Variants in NELL1 observed in about 807,000 individuals in gnomAD.
The protein encoded by NELL1 is neural EGFL like 1.
Under a neutral mutation model 107.4 loss-of-function variants are expected in NELL1, and 76 were observed. The ratio of observed to expected loss-of-function variants is 0.71; its 90% CI spans 0.59 to 0.86. The LOEUF (loss-of-function observed/expected upper bound fraction) is 0.86. NELL1 is among the 40% of genes least tolerant of loss of function. The pLI, the probability that NELL1 is intolerant of heterozygous loss-of-function variation, is 0.00. For missense variants in NELL1, 1,024 were observed against 1,005.5 expected, an observed-to-expected ratio of 1.02 and a Z score of -0.25; for synonymous variants, 353 against 341.2, an observed-to-expected ratio of 1.03 and a Z score of -0.38.
chr11:21,463,388 C>T (rs984384522), intron 15 of NELL1, among the ~76,000 whole-genome samples: 1 of 152,110 alleles, frequency 6.6e-6, no homozygotes, highest in African/African-American at 2.4e-5. Flanking sequence ...GCTGCCTCAT[C>T]AATCAGGGTC....
chr11:20,684,724 A>G (rs1010867867), intron 2 of NELL1, among the ~76,000 whole-genome samples: 3 of 151,996 alleles, frequency 2.0e-5, no homozygotes, highest in Non-Finnish European at 4.4e-5. Context: ...AGTAACTGGG[A>G]CACAATTCAA....
intron 5 of NELL1, among the ~76,000 whole-genome samples, chr11:20,900,986 G>A (rs1849859988): frequency 6.6e-6 from 1 of 152,026 alleles, no homozygotes; most frequent in African/African-American, 2.4e-5. Flanking sequence ...ATTGATAAAA[G>A]TACATGAAGT....
chr11:20,965,435 TGAGAAA>T (rs992046552), intron 12 of NELL1, among the ~76,000 whole-genome samples: 2 of 152,208 alleles, frequency 1.3e-5, no homozygotes, highest in Non-Finnish European at 2.9e-5. Flanking sequence ...ACCAATACTT[TGAGAAA>T]GAGAAAGAGA....
chr11:21,046,562 T>C (rs967926372), intron 12 of NELL1, among the ~76,000 whole-genome samples: 9 of 152,216 alleles, frequency 5.9e-5, no homozygotes, highest in African/African-American at 1.9e-4. Flanking sequence ...TTATCAATAC[T>C]CAGTGATTAA....
chr11:21,458,092 G>A (rs1853796472), intron 15 of NELL1, among the ~76,000 whole-genome samples: 1 of 152,158 alleles, frequency 6.6e-6, no homozygotes, highest in African/African-American at 2.4e-5. Flanking sequence ...GGATAAGATG[G>A]TATCCGAAGA....
At chr11:20,704,118 A>C (rs998206617) in intron 2 of NELL1, among the ~76,000 whole-genome samples, 1 of 152,050 alleles carries the variant, frequency 6.6e-6, no homozygotes, top group African/African-American at 2.4e-5. Context: ...AATGTCTCCC[A>C]TTATTATTGT....
chr11:21,519,794 C>A (rs1242579409), intron 15 of NELL1, among the ~76,000 whole-genome samples: 1 of 152,046 alleles, frequency 6.6e-6, no homozygotes, highest in Non-Finnish European at 1.5e-5. Flanking sequence ...AAATAGACTC[C>A]AGAGTCCTAA....
intron 1 of NELL1, among the ~76,000 whole-genome samples, chr11:20,672,970 G>GCCCCCCCCCCC (rs10592573): frequency 9.9e-6 from 1 of 100,844 alleles, no homozygotes. Flanking sequence ...TCCTGCCTCA[G>GCCCCCCCCCCC]CCCCCCCCCC....
chr11:21,397,551 G>A (rs1852009527), intron 15 of NELL1, among the ~76,000 whole-genome samples: 1 of 151,492 alleles, frequency 6.6e-6, no homozygotes, highest in African/African-American at 2.4e-5. Context: ...ATTATTTTAA[G>A]TCATATAAAA....
chr11:20,944,585 G>A (rs959287131), intron 10 of NELL1, among the ~76,000 whole-genome samples: 3 of 152,098 alleles, frequency 2.0e-5, no homozygotes, highest in African/African-American at 4.8e-5. Flanking sequence ...TTCCACCAGC[G>A]CAGAACTCCA....
At position 21,283,318 on chromosome 11, in the gene NELL1, TAA is replaced by T. The variant is rs150402699; in HGVS notation, c.1549+53868_1549+53869del. Among the ~76,000 whole-genome samples, 913 of 152,174 alleles carry T rather than the reference TAA, an allele frequency of 6.0e-3. 8 individuals are homozygous for T. Among genetic ancestry groups the T allele is most frequent in the African/African-American group, 0.021 (867 of 41,524 alleles). On this transcript the variant is annotated intron_variant, in intron 14 of 19. Transcript: ENST00000357134. ...CACACACTATTGTACCCACAAAAAT[TAA>T]AAATAAATATTTTTTAAAAAATTAA...
intron 12 of NELL1, among the ~76,000 whole-genome samples, chr11:21,089,825 G>T (rs923466811): frequency 1.3e-5 from 2 of 152,174 alleles, no homozygotes; most frequent in Admixed American, 1.3e-4. Flanking sequence ...GCCATTTGGG[G>T]ATATTTCAAA....
intron 12 of NELL1, among the ~76,000 whole-genome samples, chr11:21,011,211 A>G (rs1042862324): frequency 3.9e-5 from 6 of 152,080 alleles, no homozygotes; most frequent in African/African-American, 1.2e-4. Context: ...ATCCTCTATG[A>G]TGAAGTCTTT....
intron 15 of NELL1, among the ~76,000 whole-genome samples, chr11:21,441,953 T>C (rs1231335988): frequency 6.6e-6 from 1 of 152,216 alleles, no homozygotes; most frequent in African/African-American, 2.4e-5. Context: ...ATAGATACTT[T>C]TAAATGCAGC....
At chr11:21,562,358 T>C (rs897978316) in intron 17 of NELL1, among the ~76,000 whole-genome samples, 3 of 152,070 alleles carry the variant, frequency 2.0e-5, no homozygotes, top group Non-Finnish European at 4.4e-5. Flanking sequence ...ATGATGCACC[T>C]TCACTGCAAA....
At chr11:20,719,076 G>A (rs1287829391) in intron 2 of NELL1, among the ~76,000 whole-genome samples, 1 of 152,220 alleles carries the variant, frequency 6.6e-6, no homozygotes, top group East Asian at 1.9e-4. Flanking sequence ...AAGTTCCATG[G>A]CTAAGCAAGG....
intron 2 of NELL1, among the ~76,000 whole-genome samples, chr11:20,776,012 A>G (rs1856743002): frequency 6.6e-6 from 1 of 152,146 alleles, no homozygotes; most frequent in Non-Finnish European, 1.5e-5. Context: ...TGTGTTCCAG[A>G]CTTTGGAGCC....
chr11:21,313,591 C>T (rs1409942804), intron 14 of NELL1, among the ~76,000 whole-genome samples: 3 of 152,120 alleles, frequency 2.0e-5, no homozygotes, highest in African/African-American at 7.2e-5. Context: ...ATAAAGGAAA[C>T]CAATATACTT....
At chr11:20,909,332 AC>A (rs1850074125) in intron 5 of NELL1, among the ~76,000 whole-genome samples, 1 of 152,304 alleles carries the variant, frequency 6.6e-6, no homozygotes, top group East Asian at 1.9e-4. Flanking sequence ...TTTTAAAAAA[AC>A]AAAACAAAAC....
Sources: allele counts gnomAD v4.1 joint callset (sites outside exome capture counted in the v4.1 genomes callset), GRCh38; gene constraint gnomAD v4.1.1; transcripts MANE v1.5; gene names NCBI Gene and HGNC (gene_info 2026-07-23, HGNC 2026-07-21).